The following GRM3 variants were observed in gnomAD, a reference collection of about 807,000 sequenced individuals.
The protein encoded by GRM3 is metabotropic glutamate receptor 3.
Under a neutral mutation model 70.5 loss-of-function variants are expected in GRM3, and 26 were observed. The ratio of observed to expected loss-of-function variants is 0.37; its 90% confidence interval spans 0.27 to 0.51. The LOEUF is 0.51. Ranked by LOEUF, GRM3 falls within the 20% of genes least tolerant of loss-of-function variation. GRM3 has a pLI of 0.93. For missense variants in GRM3, 859 were observed against 1,123.8 expected (o/e 0.76, Z 3.37); for synonymous variants, 443 against 434.9 (o/e 1.02, Z -0.23).
chr7:86,787,378 AT>A (rs1197185323), intron 3 of GRM3, among the ~76,000 whole-genome samples: 4 of 152,206 alleles, frequency 2.6e-5, no homozygotes, highest in African/African-American at 9.6e-5. Context: ...AGCTCCCTAG[AT>A]TAGGGCCAGG....
At chr7:86,863,198 A>C (rs1406783763) in intron 5 of GRM3, among the ~76,000 whole-genome samples, 2 of 152,198 alleles carry the variant, frequency 1.3e-5, no homozygotes, top group Admixed American at 1.3e-4. Flanking sequence ...AAAAGCATTA[A>C]GGGTGAAATA....
At chr7:86,681,771 C>A (rs1165730084) in intron 1 of GRM3, among the ~76,000 whole-genome samples, 1 of 152,120 alleles carries the variant, frequency 6.6e-6, no homozygotes, top group African/African-American at 2.4e-5. Context: ...TTTCAACAAG[C>A]ACAGAAACAC....
At chr7:86,836,091 T>C (rs908876193) in intron 3 of GRM3, among the ~76,000 whole-genome samples, 2 of 152,200 alleles carry the variant, frequency 1.3e-5, no homozygotes, top group African/African-American at 4.8e-5. Flanking sequence ...TGTCAGTTTG[T>C]CAATTATTAA....
At chr7:86,788,771 G>A (rs964842776) in intron 3 of GRM3, among the ~76,000 whole-genome samples, 1 of 152,118 alleles carries the variant, frequency 6.6e-6, no homozygotes, top group Non-Finnish European at 1.5e-5. Context: ...TAAGAATTCA[G>A]CACATACTCC....
intron 1 of GRM3, among the ~76,000 whole-genome samples, chr7:86,707,241 A>G (rs973344371): frequency 2.0e-4 from 31 of 152,030 alleles, no homozygotes; most frequent in African/African-American, 7.2e-4. Context: ...ATATATATTA[A>G]TTTTATTCTG....
chr7:86,739,970 A>C (rs1795949528), intron 1 of GRM3, among the ~76,000 whole-genome samples: 1 of 152,220 alleles, frequency 6.6e-6, no homozygotes, highest in Admixed American at 6.5e-5. Context: ...TAAAGAAAAC[A>C]GTGCTTGTGT....
intron 3 of GRM3, among the ~76,000 whole-genome samples, chr7:86,837,523 CAGCCTCTTTTA>C (rs1431982187): frequency 6.6e-6 from 1 of 152,206 alleles, no homozygotes; most frequent in Admixed American, 6.5e-5. Context: ...TACATTTTTA[CAGCCTCTTTTA>C]AGGTTGAGTG....
rs1287556218 is a variant in GRM3 at position 86,786,306 on chromosome 7, G to C, written c.514G>C (p.Ala172Pro). The part of the protein sequence containing the change: ...RLFQIPQISY[A>P]STSAKLSDKS... ...CTTCCAGATCCCTCAGATCAGCTACGCATCCACCAGCGCCAAACTCAGTGA... is the reference window on the plus strand; with the variant it reads ...CTTCCAGATCCCTCAGATCAGCTACCCATCCACCAGCGCCAAACTCAGTGA... Residue 172 changes from alanine to proline, a missense_variant, in exon 3 of 6, where the codon GCA (alanine) becomes CCA (proline). By Grantham distance (27) the Ala-to-Pro change is conservative (BLOSUM62 -1). Transcript: ENST00000361669. This position sits in a 1 kb window ranked among gnomAD's most constrained non-coding sequence, Gnocchi z 6.0. 6.2e-7 allele frequency: 1 copy of C among 1,614,040 alleles called. No homozygotes were observed. The highest frequency in any genetic ancestry group is 8.5e-7 in the Non-Finnish European group (1 of 1,179,954).
chr7:86,817,102 G>A (rs960032035), intron 3 of GRM3, among the ~76,000 whole-genome samples: 6 of 151,886 alleles, frequency 4.0e-5, no homozygotes, highest in Non-Finnish European at 8.8e-5. Context: ...GGGAATATGG[G>A]CAGAGCTTAG....
At chr7:86,755,720 G>A (rs773762174) in intron 1 of GRM3, among the ~76,000 whole-genome samples, 4 of 152,130 alleles carry the variant, frequency 2.6e-5, no homozygotes, top group African/African-American at 9.7e-5. Flanking sequence ...AAACATGGCT[G>A]TTGAATTATG....
chr7:86,745,556 T>A (rs1796082362), intron 1 of GRM3, among the ~76,000 whole-genome samples: 1 of 152,098 alleles, frequency 6.6e-6, no homozygotes, highest in Non-Finnish European at 1.5e-5. Flanking sequence ...ATAGTCTCAC[T>A]AAGCCTCCAA....
Position 86,796,546 on chromosome 7 carries a change from G to A in GRM3, c.1324+9430G>A, listed in dbSNP as rs1041795091. Among the ~76,000 whole-genome samples the A allele has an allele frequency of 3.9e-5, 6 of 152,020 alleles. No homozygotes were observed. The East Asian group carries it at 1.2e-3, about 29-fold the overall frequency. On this transcript the variant is annotated intron_variant, in intron 3 of 5. Transcript: ENST00000361669. ...GCTTAGGACTCTCTTGGCTATATGG[G>A]CTCTGTTGGTTCCATATTAATTTTA... is the stretch of plus-strand genomic sequence containing the variant.
chr7:86,789,375 A>T (rs2116564754), intron 3 of GRM3, among the ~76,000 whole-genome samples: 1 of 152,342 alleles, frequency 6.6e-6, no homozygotes, highest in Non-Finnish European at 1.5e-5. Context: ...AACTAACTAT[A>T]GTAATAGAAT....
intron 3 of GRM3, among the ~76,000 whole-genome samples, chr7:86,791,374 G>A (rs1797413379): frequency 6.6e-6 from 1 of 152,180 alleles, no homozygotes; most frequent in South Asian, 2.1e-4. Context: ...GACTTCTAGA[G>A]TGGCTTGCTT....
chr7:86,827,371 CTG>C (rs1347586426), intron 3 of GRM3, among the ~76,000 whole-genome samples: 19 of 152,066 alleles, frequency 1.2e-4, no homozygotes, highest in Admixed American at 1.2e-3. Flanking sequence ...AAACTAAAGA[CTG>C]TACTGGGCAT....
intron 2 of GRM3, among the ~76,000 whole-genome samples, chr7:86,779,178 GA>G (rs557014571): frequency 6.6e-6 from 1 of 151,928 alleles, no homozygotes; most frequent in African/African-American, 2.4e-5. Flanking sequence ...TATTGATTGT[GA>G]AAAAAAATAA....
chr7:86,728,468 G>A (rs1795643679), intron 1 of GRM3, among the ~76,000 whole-genome samples: 1 of 152,196 alleles, frequency 6.6e-6, no homozygotes, highest in Admixed American at 6.5e-5. Flanking sequence ...GGAAACTATA[G>A]TCAACTCAGC....
At chr7:86,858,991 C>T (rs1269436033) in intron 5 of GRM3, among the ~76,000 whole-genome samples, 1 of 151,870 alleles carries the variant, frequency 6.6e-6, no homozygotes, top group Non-Finnish European at 1.5e-5. Context: ...TTTGAAGAGA[C>T]CTTTTTCACT....
intron 3 of GRM3, chr7:86,833,092 C>T (rs1227862547): frequency 2.0e-6 from 2 of 979,832 alleles, no homozygotes; most frequent in East Asian, 1.1e-4. Context: ...TCTGATGATG[C>T]TTACTCCCAT....
Sources: gnomAD v4.1 joint callset for allele counts (sites outside exome capture counted in the v4.1 genomes callset) on GRCh38, gnomAD v4.1.1 for gene constraint, Gnocchi (gnomAD v3.1) non-coding constraint, MANE v1.5 for transcripts, NCBI Gene and HGNC (gene_info 2026-07-23, HGNC 2026-07-21) for gene names.